FBXW7: variants seen among roughly 807,000 people sequenced by gnomAD.
FBXW7 encodes the protein F-box/WD repeat-containing protein 7.
Under a neutral mutation model 86.3 loss-of-function variants are expected in FBXW7, and 11 were observed. That is an observed-to-expected ratio of 0.13 (90% CI 0.08 to 0.21). The LOEUF (loss-of-function observed/expected upper bound fraction) is 0.21. FBXW7 is among the 10% of genes least tolerant of loss of function. The probability of loss-of-function intolerance (pLI) is 1.00; values close to 1 mark genes in which losing one functional copy is unlikely to be tolerated. For missense variants in FBXW7, 488 were observed against 847.4 expected, an observed-to-expected ratio of 0.58 and a Z score of 5.27; for synonymous variants, 313 against 297.9, an observed-to-expected ratio of 1.05 and a Z score of -0.52.
chr4:152,359,812 C>T (rs1732758866), intron 4 of FBXW7, among the ~76,000 whole-genome samples: 1 of 151,966 alleles, frequency 6.6e-6, no homozygotes, highest in South Asian at 2.1e-4. Flanking sequence ...GAAAGCAATA[C>T]TGGACTATAT....
intron 6 of FBXW7, among the ~76,000 whole-genome samples, chr4:152,342,809 T>A (rs1488076027): frequency 6.6e-6 from 1 of 152,224 alleles, no homozygotes; most frequent in African/African-American, 2.4e-5. Flanking sequence ...AGAATGAATC[T>A]TTTCCTACTT....
At chr4:152,330,311 G>C (rs1375824289) in intron 9 of FBXW7, among the ~76,000 whole-genome samples, 3 of 151,740 alleles carry the variant, frequency 2.0e-5, no homozygotes, top group Non-Finnish European at 4.4e-5. Flanking sequence ...AATGTTATTA[G>C]ACAGAAAACC....
intron 4 of FBXW7, among the ~76,000 whole-genome samples, chr4:152,351,000 A>G (rs1731761557): frequency 6.6e-6 from 1 of 152,040 alleles, no homozygotes; most frequent in African/African-American, 2.4e-5. Context: ...TTAAAACTAG[A>G]AAATAAAATC....
intron 2 of FBXW7, among the ~76,000 whole-genome samples, chr4:152,453,280 T>C: frequency 6.6e-6 from 1 of 152,232 alleles, no homozygotes; most frequent in Admixed American, 6.5e-5. Context: ...TGATTTCTTA[T>C]CTTAATTTCT....
At chr4:152,457,993 T>G (rs2149624610) in intron 2 of FBXW7, among the ~76,000 whole-genome samples, 1 of 152,144 alleles carries the variant, frequency 6.6e-6, no homozygotes, top group South Asian at 2.1e-4. Flanking sequence ...TACAATATAC[T>G]TTCTTTGTTT....
Position 152,411,381 on chromosome 4 carries a change from G to C in FBXW7, c.423C>G (p.Asn141Lys). ...SSREDEHTHT[N>K]SVTNSSSIVD... The stretch of plus-strand genomic sequence containing the variant: ...CAATACTACTGGAGTTCGTGACACT[G>C]TTAGTATGTGTATGTTCATCTTCTC... Residue 141 changes from asparagine (N) to lysine (K), a missense_variant, in exon 4 of 14, where the codon AAC (asparagine) becomes AAG (lysine). This residue lies in a region of FBXW7 where 230 missense variants were observed against 240.0 expected (regional missense o/e 0.96). Transcript: ENST00000281708. The C allele has an allele frequency of 5.0e-6, 8 of 1,613,634 alleles. No homozygotes were observed. Among genetic ancestry groups the C allele is most frequent in the Non-Finnish European group, 6.8e-6 (8 of 1,179,838 alleles).
At position 152,365,175 on chromosome 4, in the gene FBXW7, A is replaced by G. The variant is rs9884344; in HGVS notation, c.502-15051T>C. Reference sequence around the variant, plus strand: ...AGGTTCGGAGCAGGGAGGGATAACCACCTATAGCTAGAGGACACTGAACAG... The same window carrying G: ...AGGTTCGGAGCAGGGAGGGATAACCGCCTATAGCTAGAGGACACTGAACAG... On this transcript the variant is annotated intron_variant, in intron 4 of 13. Transcript: ENST00000281708. Among the ~76,000 whole-genome samples the G allele has an allele frequency of 6.6e-3, 1,003 of 152,238 alleles. 7 individuals are homozygous for G. The highest frequency in any genetic ancestry group is 0.023 in the African/African-American group (966 of 41,556).
intron 2 of FBXW7, among the ~76,000 whole-genome samples, chr4:152,501,527 T>C (rs1394960916): frequency 6.6e-6 from 1 of 152,184 alleles, no homozygotes; most frequent in Non-Finnish European, 1.5e-5. Context: ...AGTCAAGATA[T>C]GGCCACTACT....
chr4:152,484,252 T>C (rs1011974825), intron 2 of FBXW7, among the ~76,000 whole-genome samples: 1 of 152,164 alleles, frequency 6.6e-6, no homozygotes, highest in African/African-American at 2.4e-5. Context: ...CAACTATGTA[T>C]AGAGGATTTT....
intron 2 of FBXW7, among the ~76,000 whole-genome samples, chr4:152,452,777 C>T (rs1362890144): frequency 1.3e-5 from 2 of 152,124 alleles, no homozygotes; most frequent in African/African-American, 4.8e-5. Flanking sequence ...AGAAGAAATA[C>T]ATAAACTTTA....
chr4:152,330,777 G>A lies in FBXW7; in HGVS notation c.1077C>T (p.His359=), dbSNP rs1292923749. 1 of 1,612,636 alleles carries A rather than the reference G, an allele frequency of 6.2e-7. No individual in the cohort carries two copies. Among genetic ancestry groups the A allele is most frequent in the Admixed American group, 1.7e-5 (1 of 59,946 alleles). Residue 359 remains histidine (H), a synonymous_variant, in exon 9 of 14, where the codon CAC becomes CAT. Coordinates refer to ENST00000281708, the MANE Select transcript of FBXW7 (RefSeq NM_001349798.2). The stretch of plus-strand genomic sequence containing the variant: ...CTCGCCTCCAGTTAGTATCAATTCT[G>A]TGCTGTCTGATGTATGCACTTTTCC... ...SPWKSAYIRQ[H]RIDTNWRRGE... is the part of the protein sequence containing the mutation.
At chr4:152,421,005 T>A (rs1017113701) in intron 2 of FBXW7, among the ~76,000 whole-genome samples, 2 of 152,202 alleles carry the variant, frequency 1.3e-5, no homozygotes, top group African/African-American at 4.8e-5. Flanking sequence ...TTAGATGGCA[T>A]CTTCCAATAG....
chr4:152,462,848 C>T (rs1337480116), intron 2 of FBXW7, among the ~76,000 whole-genome samples: 2 of 151,850 alleles, frequency 1.3e-5, no homozygotes, highest in Non-Finnish European at 2.9e-5. Flanking sequence ...GATTTCTATT[C>T]CTTCCACCAA....
chr4:152,493,486 T>C (rs1356065151), intron 2 of FBXW7, among the ~76,000 whole-genome samples: 1 of 152,150 alleles, frequency 6.6e-6, no homozygotes, highest in Non-Finnish European at 1.5e-5. Flanking sequence ...TTCAAAACTG[T>C]TTAAACCTGC....
chr4:152,500,496 C>CAAAAA (rs34375454), intron 2 of FBXW7, among the ~76,000 whole-genome samples: 22 of 73,058 alleles, frequency 3.0e-4, no homozygotes, highest in African/African-American at 4.5e-4. Context: ...GCTTTGTCAG[C>CAAAAA]AAAAAAAAAA....
intron 2 of FBXW7, among the ~76,000 whole-genome samples, chr4:152,449,920 C>A (rs1191726964): frequency 6.6e-6 from 1 of 152,180 alleles, no homozygotes; most frequent in East Asian, 1.9e-4. Flanking sequence ...CATTCATAGA[C>A]CAATGATTGC....
chr4:152,534,154 G>C (rs1426866255), intron 2 of FBXW7, among the ~76,000 whole-genome samples: 1 of 151,320 alleles, frequency 6.6e-6, no homozygotes, highest in East Asian at 1.9e-4. Flanking sequence ...AATCATTCCT[G>C]ACTTAAATAT....
intron 2 of FBXW7, among the ~76,000 whole-genome samples, chr4:152,414,379 A>G (rs984098302): frequency 6.6e-6 from 1 of 152,070 alleles, no homozygotes; most frequent in Non-Finnish European, 1.5e-5. Flanking sequence ...ATGGTATGAG[A>G]GCTGCAACAA....
intron 2 of FBXW7, among the ~76,000 whole-genome samples, chr4:152,459,918 TA>T (rs1378976071): frequency 6.6e-6 from 1 of 152,194 alleles, no homozygotes; most frequent in East Asian, 1.9e-4. Flanking sequence ...GGGACTACTA[TA>T]TATGAAATAC....
Sources: gnomAD v4.1 joint callset for allele counts (sites outside exome capture counted in the v4.1 genomes callset) on GRCh38, gnomAD v4.1.1 for gene constraint, gnomAD v4.1.1 regional missense constraint, MANE v1.5 for transcripts, NCBI Gene and HGNC (gene_info 2026-07-23, HGNC 2026-07-21) for gene names.